CYLC2: variants seen among roughly 807,000 people sequenced by gnomAD.
CYLC2 encodes cylicin-2.
In CYLC2, 30 loss-of-function variants were observed where a neutral mutation model predicts 26.1. The observed-to-expected ratio is 1.15, with a 90% CI of 0.86 to 1.56. The LOEUF (loss-of-function observed/expected upper bound fraction) is 1.56. Ranked by LOEUF, CYLC2 falls within the 40% of genes most tolerant of loss-of-function variation. The pLI, the probability that CYLC2 is intolerant of heterozygous loss-of-function variation, is 0.00. For missense variants in CYLC2, 498 were observed against 394.4 expected, an observed-to-expected ratio of 1.26 and a Z score of -2.23; for synonymous variants, 158 against 132.8, an observed-to-expected ratio of 1.19 and a Z score of -1.31.
At chr9:103,011,683 G>C (rs922465497) in intron 5 of CYLC2, among the ~76,000 whole-genome samples, 1 of 151,954 alleles carries the variant, frequency 6.6e-6, no homozygotes, top group African/African-American at 2.4e-5. Flanking sequence ...ATACAATAAA[G>C]TGTTCTAAAG....
intron 3 of CYLC2, among the ~76,000 whole-genome samples, chr9:103,004,411 G>A (rs1829318007): frequency 6.6e-6 from 1 of 152,024 alleles, no homozygotes; most frequent in African/African-American, 2.4e-5. Context: ...TCCTATGATT[G>A]TGAAGATATG....
rs1221984837 is a variant in CYLC2 at position 103,005,790 on chromosome 9, A to G, written c.*112A>G. 1 of 1,177,940 alleles carries G rather than the reference A, an allele frequency of 8.5e-7. No individual in the cohort carries two copies. The highest frequency in any genetic ancestry group is 1.5e-5 in the African/African-American group (1 of 64,992). The allele number at this position is 1,177,940 out of a possible 1,614,324, so 73.0% of individuals were successfully genotyped here. On this transcript the variant is annotated 3_prime_UTR_variant, in exon 5 of 8. Coordinates refer to ENST00000374798, the MANE Select transcript of CYLC2 (RefSeq NM_001340.5). ...AAAACAAGAGGCCTCAAAGAATTAA[A>G]TAATTTTTAAAAGGTGGTAAAGAAG...
intron 6 of CYLC2, among the ~76,000 whole-genome samples, chr9:103,015,732 G>A (rs1829497908): frequency 6.7e-6 from 1 of 148,378 alleles, no homozygotes; most frequent in East Asian, 2.0e-4. Context: ...AGAATATTTT[G>A]CCTTTTATAA....
chr9:103,011,343 G>A (rs1829404807), intron 5 of CYLC2, among the ~76,000 whole-genome samples: 1 of 152,034 alleles, frequency 6.6e-6, no homozygotes, highest in African/African-American at 2.4e-5. Context: ...TCAAGTACTA[G>A]GGGACATGAA....
intron 3 of CYLC2, 84 bp downstream of exon 3, chr9:103,003,347 G>A (rs937030615): frequency 8.2e-7 from 1 of 1,212,216 alleles, no homozygotes; most frequent in African/African-American, 1.5e-5. Flanking sequence ...ATTATAATTA[G>A]TCTTAAGTAA....
At chr9:103,013,668 A>C (rs1380613677) in intron 6 of CYLC2, among the ~76,000 whole-genome samples, 1 of 112,884 alleles carries the variant, frequency 8.9e-6, no homozygotes, top group Non-Finnish European at 1.6e-5. Context: ...ATATTATATT[A>C]AATAATATAT....
At chr9:103,017,784 A>G (rs781469695) in intron 7 of CYLC2, among the ~76,000 whole-genome samples, 37 of 152,094 alleles carry the variant, frequency 2.4e-4, no homozygotes, top group Admixed American at 5.3e-4. Context: ...CTGGAAGGCT[A>G]AAAGTCCACA....
At chr9:103,016,293 A>T (rs1227886951) in intron 6 of CYLC2, among the ~76,000 whole-genome samples, 3 of 151,946 alleles carry the variant, frequency 2.0e-5, no homozygotes, top group Non-Finnish European at 4.4e-5. Flanking sequence ...GAGTGGCCTA[A>T]ATAAGATTCA....
chr9:103,005,219 A>G lies in CYLC2; in HGVS notation c.588A>G (p.Ser196=), dbSNP rs1564097848. 3.7e-6 allele frequency: 6 copies of G among 1,609,890 alleles called. No individual in the cohort carries two copies. The highest frequency in any genetic ancestry group is 5.1e-6 in the Non-Finnish European group (6 of 1,178,950). ...ATAACAAAAAAGATAAAAAGGATTC[A>G]AACAAAGGCAAAGACTCGGCAACAG... is the stretch of plus-strand genomic sequence containing the variant. The part of the protein sequence containing the change: ...KKDNKKDKKD[S]NKGKDSATES... The change falls in exon 5 of 8, where the codon TCA becomes TCG. Residue 196 remains serine (S), a synonymous_variant. Transcript: ENST00000374798.
At chr9:102,997,898 GATAGA>G (rs1463848036) in intron 1 of CYLC2, among the ~76,000 whole-genome samples, 1 of 151,944 alleles carries the variant, frequency 6.6e-6, no homozygotes, top group Non-Finnish European at 1.5e-5. Flanking sequence ...TTTTTATGGT[GATAGA>G]ATAGAAATAG....
intron 2 of CYLC2, among the ~76,000 whole-genome samples, chr9:103,002,357 C>CCT (rs1564096841): frequency 1.3e-5 from 1 of 77,620 alleles, no homozygotes; most frequent in African/African-American, 5.5e-5. Flanking sequence ...CATTTGCCCC[C>CCT]TTTTTTTTTT....
intron 6 of CYLC2, among the ~76,000 whole-genome samples, chr9:103,013,676 T>A (rs1271537152): frequency 1.8e-5 from 2 of 111,094 alleles, no homozygotes; most frequent in African/African-American, 7.3e-5. Flanking sequence ...TTAAATAATA[T>A]ATATGATATA....
rs1432018166 is a variant in CYLC2 at position 103,005,845 on chromosome 9, T to C, written c.*167T>C. On this transcript the variant is annotated 3_prime_UTR_variant, in exon 5 of 8. Transcript: ENST00000374798. ...CAAAGGAGAACTCAGCAGAGATTTA[T>C]AAAAATATATAAGAAAGATGTTAAG... The C allele has an allele frequency of 1.4e-6, 1 of 701,296 alleles. No individual in the cohort carries two copies. The highest frequency in any genetic ancestry group is 2.3e-6 in the Non-Finnish European group (1 of 437,018). The allele number at this position is 701,296 out of a possible 1,614,324, so 43.4% of individuals were successfully genotyped here.
intron 6 of CYLC2, among the ~76,000 whole-genome samples, 175 bp from the exon 7 acceptor site, chr9:103,016,713 C>T (rs928115697): frequency 2.0e-5 from 3 of 151,800 alleles, no homozygotes; most frequent in Non-Finnish European, 4.4e-5. Flanking sequence ...AGTTGATTTA[C>T]AAGGAAAGAC....
chr9:102,998,650 A>C (rs376455579), intron 1 of CYLC2, among the ~76,000 whole-genome samples: 1 of 151,952 alleles, frequency 6.6e-6, no homozygotes, highest in East Asian at 1.9e-4. Context: ...AATGATTCTT[A>C]CTAAAAATGC....
At chr9:103,001,027 G>A (rs2118227585) in intron 1 of CYLC2, among the ~76,000 whole-genome samples, 1 of 151,744 alleles carries the variant, frequency 6.6e-6, no homozygotes. Flanking sequence ...ACGAATTTTT[G>A]TGGTCCACAC....
chr9:103,016,888 G>A lies in CYLC2; in HGVS notation c.*817G>A, dbSNP rs998673643. On this transcript the variant is annotated splice_region_variant and 3_prime_UTR_variant, in exon 7 of 8. Coordinates refer to ENST00000374798, the MANE Select transcript of CYLC2 (RefSeq NM_001340.5). ...GAGATAAACTTTTTGTTTTTGAAAGGGAAGGAAAATAGCTGGCATTTCTTG... is the reference window on the plus strand; with the variant it reads ...GAGATAAACTTTTTGTTTTTGAAAGAGAAGGAAAATAGCTGGCATTTCTTG... 5.9e-5 allele frequency: 9 copies of A among 151,836 alleles called. No individual in the cohort carries two copies. Among genetic ancestry groups the A allele is most frequent in the African/African-American group, 2.2e-4 (9 of 41,396 alleles). The allele number at this position is 151,836 out of a possible 1,614,324, so 9.4% of individuals were successfully genotyped here. A position where few individuals can be genotyped will look rare whatever the true frequency, so the allele number is the denominator to read the frequency against.
Position 103,005,371 on chromosome 9 carries a change from GA to G in CYLC2, c.747del (p.Asp250MetfsTer106). 6 of 1,613,708 alleles carry G rather than the reference GA, an allele frequency of 3.7e-6. No homozygotes were observed. Among genetic ancestry groups the G allele is most frequent in the Non-Finnish European group, 5.1e-6 (6 of 1,179,924 alleles). ...GCAGATGAAAAGAAGGATGAGGATG[GA>G]AAAAAAGATGCAAACAAAGGTGATG... ...VKADEKKDED[G>X]KKDANKGDES... is the part of the protein sequence containing the mutation. On this transcript the variant is annotated frameshift_variant, in exon 5 of 8. Coordinates refer to ENST00000374798, the MANE Select transcript of CYLC2 (RefSeq NM_001340.5). LOFTEE classifies it low-confidence loss of function (END_TRUNC).
In CYLC2 at chr9:103,014,549, T is replaced by TACACATCATATGTATATTAC. The variant is rs1297998132; in HGVS notation, c.*817-2339_*817-2338insACACATCATATGTATATTAC. ...TGCAATATACATCATATGTATATTA[T>TACACATCATATGTATATTAC]GCAGTATACATCATATGTATATTAT... is the stretch of plus-strand genomic sequence containing the variant. On this transcript the variant is annotated intron_variant, in intron 6 of 7. Transcript: ENST00000374798. Among the ~76,000 whole-genome samples, 2 of 103,632 alleles carry TACACATCATATGTATATTAC rather than the reference T, an allele frequency of 1.9e-5. 1 individual carries two copies. Among genetic ancestry groups the TACACATCATATGTATATTAC allele is most frequent in the East Asian group, 6.0e-4 (2 of 3,360 alleles). 68.0% of individuals were successfully genotyped at this position (103,632 alleles called of 152,430 possible). A position where few individuals can be genotyped will look rare whatever the true frequency, so the allele number is the denominator to read the frequency against.
Sources: gnomAD v4.1 joint callset for allele counts (sites outside exome capture counted in the v4.1 genomes callset) on GRCh38, gnomAD v4.1.1 for gene constraint, MANE v1.5 for transcripts, NCBI Gene and HGNC (gene_info 2026-07-23, HGNC 2026-07-21) for gene names.